PCNT: variants seen among roughly 807,000 people sequenced by gnomAD.
PCNT encodes kendrin.
In PCNT, 319 loss-of-function variants were observed where a neutral mutation model predicts 380.4. The ratio of observed to expected loss-of-function variants is 0.84; its 90% CI spans 0.77 to 0.92. The LOEUF is 0.92. Ranked by LOEUF, PCNT falls within the 40% of genes least tolerant of loss-of-function variation. The probability of loss-of-function intolerance (pLI) is 0.00; values close to 1 mark genes in which losing one functional copy is unlikely to be tolerated. For missense variants in PCNT, 4,400 were observed against 4,255.3 expected (o/e 1.03, Z -0.95); for synonymous variants, 1,845 against 1,735.2 (o/e 1.06, Z -1.57).
In PCNT at chr21:46,425,044, A is replaced by C. The variant is rs553290947; in HGVS notation, c.7180-787A>C. On this transcript the variant is annotated intron_variant, in intron 32 of 46. Coordinates refer to ENST00000359568, the MANE Select transcript of PCNT (RefSeq NM_006031.6). This position sits in a 1 kb window ranked among gnomAD's most constrained non-coding sequence, Gnocchi z 4.2. ...CATTTCCCTCTTTTTGGACTTTATT[A>C]GATTATTTTTCTCTTCAGGTTTTTA... is the stretch of plus-strand genomic sequence containing the variant. Among the ~76,000 whole-genome samples the C allele has an allele frequency of 6.6e-6, 1 of 151,952 alleles. No individual in the cohort carries two copies. Among genetic ancestry groups the C allele is most frequent in the African/African-American group, 2.4e-5 (1 of 41,408 alleles).
At chr21:46,352,395 G>C (rs1442231370) in intron 9 of PCNT, among the ~76,000 whole-genome samples, 1 of 152,186 alleles carries the variant, frequency 6.6e-6, no homozygotes, top group Non-Finnish European at 1.5e-5. Context: ...CTGGAGAAGA[G>C]AGAAGCTGAG....
intron 28 of PCNT, 57 bp from the exon 29 acceptor site, chr21:46,412,780 G>A: frequency 1.9e-6 from 3 of 1,592,038 alleles, no homozygotes; most frequent in South Asian, 1.1e-5. Flanking sequence ...CCACCTGAGG[G>A]GCAGCCCCAG....
At chr21:46,421,596 C>T (rs1266244377) in intron 31 of PCNT, among the ~76,000 whole-genome samples, 1 of 152,216 alleles carries the variant, frequency 6.6e-6, no homozygotes, top group Non-Finnish European at 1.5e-5. Context: ...CCGTGGCTGG[C>T]GTGGAGGGTG....
At chr21:46,375,728 A>G (rs1171908736) in intron 15 of PCNT, among the ~76,000 whole-genome samples, 2 of 152,174 alleles carry the variant, frequency 1.3e-5, no homozygotes, top group Admixed American at 1.3e-4. Context: ...CTGGGCCTGC[A>G]TGCCTGTGAC....
At chr21:46,332,685 A>G (rs1320409948) in intron 2 of PCNT, among the ~76,000 whole-genome samples, 2 of 152,234 alleles carry the variant, frequency 1.3e-5, no homozygotes, top group Non-Finnish European at 2.9e-5. Flanking sequence ...TTTTGCCATC[A>G]TCATTGGCCA....
chr21:46,372,166 A>G (rs1013232448), intron 15 of PCNT, among the ~76,000 whole-genome samples: 6 of 150,172 alleles, frequency 4.0e-5, no homozygotes, highest in Admixed American at 6.6e-5. Flanking sequence ...AGGCACACGC[A>G]CACACACAGC....
intron 1 of PCNT, chr21:46,324,830 C>T (rs1284259574): frequency 1.0e-6 from 1 of 971,350 alleles, no homozygotes; most frequent in African/African-American, 1.8e-5. Flanking sequence ...TGCAGCGCCT[C>T]CCCAGGGTGC....
Position 46,334,662 on chromosome 21 carries a change from A to G in PCNT, c.533A>G (p.Gln178Arg), listed in dbSNP as rs200285580. Residue 178 changes from glutamine (Q) to arginine (R), a missense_variant, in exon 3 of 47, where the codon CAA becomes CGA. Physicochemically the swap from Gln to Arg is conservative, Grantham distance 43. Coordinates refer to ENST00000359568, the MANE Select transcript of PCNT (RefSeq NM_006031.6). ...QRGMFTISDH[Q>R]PEQRGMFTVS... ...GGGATGTTCACAATCAGTGACCACC[A>G]ACCGGAACAGCGTGGGATGTTCACA... is the stretch of plus-strand genomic sequence containing the variant. 14 of 1,585,234 alleles carry G rather than the reference A, an allele frequency of 8.8e-6. No homozygotes were observed. Among genetic ancestry groups the G allele is most frequent in the Non-Finnish European group, 1.2e-5 (14 of 1,167,460 alleles).
At chr21:46,341,563 C>G (rs937061407) in intron 3 of PCNT, among the ~76,000 whole-genome samples, 3 of 151,988 alleles carry the variant, frequency 2.0e-5, no homozygotes, top group African/African-American at 7.3e-5. Context: ...GATGGGATCT[C>G]ACTATATTGA....
chr21:46,360,213 A>ATTTTTT (rs71318070), intron 13 of PCNT, among the ~76,000 whole-genome samples: 3 of 82,462 alleles, frequency 3.6e-5, no homozygotes, highest in Admixed American at 1.9e-4. Context: ...ATAGTTGGCA[A>ATTTTTT]TTTTTTTTTT....
chr21:46,441,167 T>C (rs2053597809), intron 43 of PCNT, 83 bp downstream of exon 43: 2 of 869,838 alleles, frequency 2.3e-6, no homozygotes, highest in Non-Finnish European at 3.9e-6. Flanking sequence ...TTGGTCATTT[T>C]ATTCCTTGAA....
At chr21:46,324,680 G>T (rs1012909531) in intron 1 of PCNT, among the ~76,000 whole-genome samples, 1 of 151,922 alleles carries the variant, frequency 6.6e-6, no homozygotes, top group African/African-American at 2.4e-5. Context: ...GCAGGCGCTG[G>T]ACCCCAGGCT....
rs375694960 is a variant in PCNT, at chr21:46,428,440, C to T, written c.7540C>T (p.Arg2514Trp). The T allele has an allele frequency of 1.1e-5, 18 of 1,612,418 alleles. No individual in the cohort carries two copies. Among genetic ancestry groups the T allele is most frequent in the African/African-American group, 6.7e-5 (5 of 74,932 alleles). Residue 2514 changes from arginine (R) to tryptophan (W), a missense_variant, in exon 35 of 47, where the codon CGG (arginine) becomes TGG (tryptophan). Transcript: ENST00000359568. Reference protein sequence around the residue: ...KSLEHLRLPDRSSLLSEIQAL... With the variant: ...KSLEHLRLPDWSSLLSEIQAL... ...CCTGGAGCATCTTCGCTTGCCGGAC[C>T]GGAGCAGCCTGCTGTCCGAGATCCA...
At position 46,389,102 on chromosome 21, in the gene PCNT, C is replaced by T. The variant is rs921480790; in HGVS notation, c.3608-97C>T. ...CGCTGACTCATCTCGGCTGGGGCGA[C>T]GTTCTGAGTTCTGTGGCTTCCTTGT... is the stretch of plus-strand genomic sequence containing the variant. On this transcript the variant is annotated intron_variant, in intron 18 of 46. Coordinates refer to ENST00000359568, the MANE Select transcript of PCNT (RefSeq NM_006031.6). 17 of 1,355,176 alleles carry T rather than the reference C, an allele frequency of 1.3e-5. No homozygotes were observed. In the South Asian group the frequency reaches 1.3e-4, roughly 11 times the overall value. The allele number at this position is 1,355,176 out of a possible 1,614,324, so 83.9% of individuals were successfully genotyped here. A position where few individuals can be genotyped will look rare whatever the true frequency, so the allele number is the denominator to read the frequency against.
intron 29 of PCNT, among the ~76,000 whole-genome samples, chr21:46,415,311 G>T (rs776336257): frequency 6.6e-6 from 1 of 150,866 alleles, no homozygotes; most frequent in African/African-American, 2.4e-5. Flanking sequence ...AGAGCCCTTC[G>T]CATCTCCTGC....
At chr21:46,384,196 G>A (rs1205207599) in intron 16 of PCNT, among the ~76,000 whole-genome samples, 106 of 90,440 alleles carry the variant, frequency 1.2e-3, no homozygotes, top group Middle Eastern at 0.013. Flanking sequence ...GGTGTTGTGC[G>A]TTCAGTGGCA....
Position 46,389,331 on chromosome 21 carries a change from A to T in PCNT, c.3740A>T (p.Glu1247Val), listed in dbSNP as rs779953366. The T allele has an allele frequency of 1.5e-5, 24 of 1,614,126 alleles. No homozygotes were observed. Among genetic ancestry groups the T allele is most frequent in the Non-Finnish European group, 1.7e-5 (20 of 1,180,052 alleles). ...HMRESFLMSP[E>V]SVRECEQPIR... is the part of the protein sequence containing the mutation. The stretch of plus-strand genomic sequence containing the variant: ...CGTGAAAGCTTTCTCATGAGCCCAG[A>T]AAGTGTGCGGGAGTGTGAGCAGCCC... Residue 1247 changes from glutamate (E) to valine (V), a missense_variant, in exon 19 of 47, where the codon GAA becomes GTA. Transcript: ENST00000359568.
chr21:46,398,402 T>A, intron 24 of PCNT, 147 bp downstream of exon 24: 2 of 807,284 alleles, frequency 2.5e-6, no homozygotes, highest in Non-Finnish European at 4.0e-6. Context: ...GAAGCTGTAG[T>A]AGGTTCGTTT....
Position 46,411,450 on chromosome 21 carries a change from G to C in PCNT, c.5377G>C (p.Glu1793Gln), listed in dbSNP as rs201379409. Residue 1793 changes from glutamate to glutamine, a missense_variant, in exon 28 of 47, where the codon GAG (glutamate) becomes CAG (glutamine). Coordinates refer to ENST00000359568, the MANE Select transcript of PCNT (RefSeq NM_006031.6). Reference protein sequence around the residue: ...PRGQALQGELEAALEAKEALS... With the variant: ...PRGQALQGELQAALEAKEALS... ...TGGGCAGGCCCTACAGGGCGAGCTC[G>C]AGGCTGCGCTGGAAGCCAAGGAGGC... 10 of 1,611,046 alleles carry C rather than the reference G, an allele frequency of 6.2e-6. No homozygotes were observed. The East Asian group carries it at 6.7e-5, about 11-fold the overall frequency.
Sources: gnomAD v4.1 joint callset for allele counts (sites outside exome capture counted in the v4.1 genomes callset) on GRCh38, gnomAD v4.1.1 for gene constraint, Gnocchi (gnomAD v3.1) non-coding constraint, MANE v1.5 for transcripts, NCBI Gene and HGNC (gene_info 2026-07-23, HGNC 2026-07-21) for gene names.